Variants in TSPYL6 observed in about 807,000 individuals in gnomAD.
TSPYL6 encodes the protein testis-specific Y-encoded-like protein 6.
For missense variants in TSPYL6, 699 were observed against 531.5 expected (o/e 1.32, Z -3.10); for synonymous variants, 259 against 214.8 (o/e 1.21, Z -1.80).
Position 54,256,057 on chromosome 2 carries a change from G to C in TSPYL6, c.95C>G (p.Ala32Gly). ...AAACATATCTGCCATTACCTCTGTC[G>C]CCTTGCTCTTTTCTCGGGACCTCTG... ...QGQRSREKSK[A>G]TEVMADMFDG... The change falls in exon 1 of 1, where the codon GCG (alanine) becomes GGG (glycine). Residue 32 changes from alanine to glycine, a missense_variant. Coordinates refer to ENST00000317802, the MANE Select transcript of TSPYL6 (RefSeq NM_001003937.3). The C allele has an allele frequency of 6.2e-7, 1 of 1,614,146 alleles. No individual in the cohort carries two copies. Among genetic ancestry groups the C allele is most frequent in the East Asian group, 2.2e-5 (1 of 44,876 alleles).
In TSPYL6 at chr2:54,255,616, G is replaced by T. The variant is rs536750975; in HGVS notation, c.536C>A (p.Ala179Glu). Residue 179 changes from alanine (A) to glutamate (E), a missense_variant, in exon 1 of 1, where the codon GCA becomes GAA. By Grantham distance (107) the Ala-to-Glu change is moderately radical (BLOSUM62 -1). Coordinates refer to ENST00000317802, the MANE Select transcript of TSPYL6 (RefSeq NM_001003937.3). ...EEMDVAEENR[A>E]IDEVNREAGP... ...TGCCTCCCTGTTTACCTCATCTATT[G>T]CTCTGTTTTCTTCCGCCACGTCCAT... The T allele has an allele frequency of 6.2e-7, 1 of 1,613,446 alleles. No individual in the cohort carries two copies. Among genetic ancestry groups the T allele is most frequent in the Non-Finnish European group, 8.5e-7 (1 of 1,179,938 alleles).
chr2:54,253,605 C>T lies in TSPYL6; in HGVS notation c.*1314G>A, dbSNP rs1477477135. ...ATACTAAAAAAAAGTACTTCTCTTC[C>T]CATCATAACTAGTCAACCCAGTGTA... On this transcript the variant is annotated 3_prime_UTR_variant, in exon 1 of 1. Transcript: ENST00000317802. 6.6e-6 allele frequency: 1 copy of T among 152,210 alleles called. No individual in the cohort carries two copies. Among genetic ancestry groups the T allele is most frequent in the African/African-American group, 2.4e-5 (1 of 41,446 alleles). The allele number at this position is 152,210 out of a possible 1,614,324, so 9.4% of individuals were successfully genotyped here. A position where few individuals can be genotyped will look rare whatever the true frequency, so the allele number is the denominator to read the frequency against.
chr2:54,253,726 C>A lies in TSPYL6; in HGVS notation c.*1193G>T. 6.6e-6 allele frequency: 1 copy of A among 152,312 alleles called. No homozygotes were observed. 9.4% of individuals were successfully genotyped at this position (152,312 alleles called of 1,614,324 possible). A position where few individuals can be genotyped will look rare whatever the true frequency, so the allele number is the denominator to read the frequency against. On this transcript the variant is annotated 3_prime_UTR_variant, in exon 1 of 1. Transcript: ENST00000317802. ...TCACAATCTCTTTAGTTCTTCTATC[C>A]ACTCTGAACTAGAAATCACCTTTCA...
In TSPYL6 at chr2:54,255,815, T is replaced by C. The variant is rs201242741; in HGVS notation, c.337A>G (p.Asn113Asp). 1 of 1,613,898 alleles carries C rather than the reference T, an allele frequency of 6.2e-7. No individual in the cohort carries two copies. The highest frequency in any genetic ancestry group is 8.5e-7 in the Non-Finnish European group (1 of 1,179,998). ...ASLTTDGSLK[N>D]GFPGEETHGL... ...TGCGTCTCTTCACCCGGAAAGCCAT[T>C]TTTGAGGCTGCCGTCAGTTGTCAGC... is the stretch of plus-strand genomic sequence containing the variant. Residue 113 changes from asparagine (N) to aspartate (D), a missense_variant, in exon 1 of 1, where the codon AAT (asparagine) becomes GAT (aspartate). By Grantham distance (23) the Asn-to-Asp change is conservative (BLOSUM62 1). Transcript: ENST00000317802.
chr2:54,255,601 T>C lies in TSPYL6; in HGVS notation c.551A>G (p.Asn184Ser), dbSNP rs1687469095. Residue 184 changes from asparagine (N) to serine (S), a missense_variant, in exon 1 of 1, where the codon AAC becomes AGC. Coordinates refer to ENST00000317802, the MANE Select transcript of TSPYL6 (RefSeq NM_001003937.3). The part of the protein sequence containing the change: ...AEENRAIDEV[N>S]REAGPGPGPG... Reference sequence around the variant, plus strand: ...CCCGGGCCCAGGCCCTGCCTCCCTGTTTACCTCATCTATTGCTCTGTTTTC... The same window carrying C: ...CCCGGGCCCAGGCCCTGCCTCCCTGCTTACCTCATCTATTGCTCTGTTTTC... 6.2e-7 allele frequency: 1 copy of C among 1,613,108 alleles called. No individual in the cohort carries two copies. The highest frequency in any genetic ancestry group is 2.2e-5 in the East Asian group (1 of 44,812).
rs765602478 is a variant in TSPYL6 at position 54,256,122 on chromosome 2, G to A, written c.30C>T (p.Pro10=). The change falls in exon 1 of 1, where the codon CCC becomes CCT. Residue 10 remains proline, a synonymous_variant. Transcript: ENST00000317802. MSLPESPHS[P]ATLDYALEDP... is the part of the protein sequence containing the mutation. ...CTTCCAGAGCATAGTCGAGAGTAGCGGGGCTGTGAGGACTCTCCGGGAGGC... is the reference window on the plus strand; with the variant it reads ...CTTCCAGAGCATAGTCGAGAGTAGCAGGGCTGTGAGGACTCTCCGGGAGGC... 18 of 1,613,770 alleles carry A rather than the reference G, an allele frequency of 1.1e-5. No homozygotes were observed. Among genetic ancestry groups the A allele is most frequent in the East Asian group, 2.2e-5 (1 of 44,880 alleles).
In TSPYL6 at chr2:54,254,499, T is replaced by C. The variant is rs10165485; in HGVS notation, c.*420A>G. ...CCTTGACTTCATTAATGCCCAGCAA[T>C]TGTCCACAGGCCATGCACCTGTACT... On this transcript the variant is annotated 3_prime_UTR_variant, in exon 1 of 1. Transcript: ENST00000317802. 0.14 allele frequency: 22,940 copies of C among 161,826 alleles called. 1,641 individuals carry two copies. The highest frequency in any genetic ancestry group is 0.18 in the African/African-American group (7,337 of 41,726). 10.0% of individuals were successfully genotyped at this position (161,826 alleles called of 1,614,324 possible). A position where few individuals can be genotyped will look rare whatever the true frequency, so the allele number is the denominator to read the frequency against.
the TSPYL6 span, chr2:54,256,088 G>A: frequency 3.1e-6 from 5 of 1,614,086 alleles, no homozygotes; most frequent in Non-Finnish European, 4.2e-6. Flanking sequence ...CTCTGGCCCT[G>A]GTGCGGGTCT....
In TSPYL6 at chr2:54,254,814, G is replaced by A; in HGVS notation, c.*105C>T. On this transcript the variant is annotated 3_prime_UTR_variant, in exon 1 of 1. Coordinates refer to ENST00000317802, the MANE Select transcript of TSPYL6 (RefSeq NM_001003937.3). ...AAGTTTAAACAGAGGGTACAGGAAA[G>A]TCAGAACAAAAAAAGTAAAGGGCAT... 8.6e-7 allele frequency: 1 copy of A among 1,168,700 alleles called. No individual in the cohort carries two copies. Among genetic ancestry groups the A allele is most frequent in the Non-Finnish European group, 1.2e-6 (1 of 832,706 alleles). 72.4% of individuals were successfully genotyped at this position (1,168,700 alleles called of 1,614,324 possible).
Position 54,255,013 on chromosome 2 carries a change from T to A in TSPYL6, c.1139A>T (p.Tyr380Phe). 1.2e-6 allele frequency: 2 copies of A among 1,614,110 alleles called. No homozygotes were observed. The highest frequency in any genetic ancestry group is 2.7e-5 in the African/African-American group (2 of 75,014). Residue 380 changes from tyrosine to phenylalanine, a missense_variant, in exon 1 of 1, where the codon TAC becomes TTC. Physicochemically the swap from Tyr to Phe is conservative, Grantham distance 22. Transcript: ENST00000317802. ...ATGGGCGTCTTCACCCAACAGGTAG[T>A]ACTGCAGTGGATTTGACCAGAGGTC... ...KEDLWSNPLQ[Y>F]YLLGEDAHRA...
Position 54,256,193 on chromosome 2 carries a change from GAGGTAGGT to G in TSPYL6, c.-50_-43del, listed in dbSNP as rs1483210466. On this transcript the variant is annotated 5_prime_UTR_variant, in exon 1 of 1. Coordinates refer to ENST00000317802, the MANE Select transcript of TSPYL6 (RefSeq NM_001003937.3). ...GCAGCAGTGGGTAGAGGCCAGGCCA[GAGGTAGGT>G]AGCGTCAACGTTCCTCACACAAAAT... 6.4e-7 allele frequency: 1 copy of G among 1,553,910 alleles called. No individual in the cohort carries two copies. The highest frequency in any genetic ancestry group is 8.7e-7 in the Non-Finnish European group (1 of 1,150,516).
the TSPYL6 span, chr2:54,255,743 AC>A: frequency 1.2e-6 from 2 of 1,611,500 alleles, no homozygotes; most frequent in Non-Finnish European, 8.5e-7. Context: ...TCAGACTCCG[AC>A]CTCCCTGCCC....
At position 54,255,518 on chromosome 2, in the gene TSPYL6, G is replaced by C. The variant is rs1404601186; in HGVS notation, c.634C>G (p.Leu212Val). ...LNPLESIQLE[L>V]DSVNAEADRA... ...TCAGCCTCTGCATTCACGGAGTCCA[G>C]TTCCAGCTGGATGGACTCCAGGGGG... Residue 212 changes from leucine to valine, a missense_variant, in exon 1 of 1, where the codon CTG becomes GTG. Coordinates refer to ENST00000317802, the MANE Select transcript of TSPYL6 (RefSeq NM_001003937.3). 3.7e-6 allele frequency: 6 copies of C among 1,613,800 alleles called. No individual in the cohort carries two copies. Among genetic ancestry groups the C allele is most frequent in the African/African-American group, 1.3e-5 (1 of 74,890 alleles).
Position 54,255,712 on chromosome 2 carries a change from G to T in TSPYL6, c.440C>A (p.Ala147Asp), listed in dbSNP as rs1042882931. Reference sequence around the variant, plus strand: ...ACACTCCTCAGGCTTCACGTCCTCGGCCTTCCCCTCTGCAATCACTTCAGA... The same window carrying T: ...ACACTCCTCAGGCTTCACGTCCTCGTCCTTCCCCTCTGCAATCACTTCAGA... ...SESEVIAEGK[A>D]EDVKPEECAM... The change falls in exon 1 of 1, where the codon GCC becomes GAC. Residue 147 changes from alanine to aspartate, a missense_variant. By Grantham distance (126) the Ala-to-Asp change is moderately radical. Transcript: ENST00000317802. 5 of 1,613,706 alleles carry T rather than the reference G, an allele frequency of 3.1e-6. No individual in the cohort carries two copies. Among genetic ancestry groups the T allele is most frequent in the Non-Finnish European group, 4.2e-6 (5 of 1,180,014 alleles).
Position 54,254,849 on chromosome 2 carries a change from T to C in TSPYL6, c.*70A>G. The stretch of plus-strand genomic sequence containing the variant: ...AAAAAGTAAAGGGCATACCTAATGC[T>C]GTTGCCCAAGCTCAGGTCCAGCTGG... On this transcript the variant is annotated 3_prime_UTR_variant, in exon 1 of 1. Transcript: ENST00000317802. 6.8e-7 allele frequency: 1 copy of C among 1,474,350 alleles called. No individual in the cohort carries two copies. 91.3% of individuals were successfully genotyped at this position (1,474,350 alleles called of 1,614,324 possible).
In TSPYL6 at chr2:54,255,395, C is replaced by A. The variant is rs562154632; in HGVS notation, c.757G>T (p.Val253Phe). Residue 253 changes from valine (V) to phenylalanine (F), a missense_variant, in exon 1 of 1, where the codon GTC (valine) becomes TTC (phenylalanine). Physicochemically the swap from Val to Phe is conservative, Grantham distance 50. Transcript: ENST00000317802. Reference protein sequence around the residue: ...DIIRNIPGFWVTAFRHHPQLS... With the variant: ...DIIRNIPGFWFTAFRHHPQLS... ...TGTGGGTGGTGGCGGAAAGCAGTGA[C>A]CCAGAAGCCCGGGATATTGCGAATG... The A allele has an allele frequency of 1.2e-6, 2 of 1,613,958 alleles. No homozygotes were observed. Among genetic ancestry groups the A allele is most frequent in the Middle Eastern group, 1.6e-4 (1 of 6,084 alleles).
chr2:54,255,826 C>T lies in TSPYL6; in HGVS notation c.326G>A (p.Gly109Asp), dbSNP rs1687487644. 6.2e-7 allele frequency: 1 copy of T among 1,613,968 alleles called. No individual in the cohort carries two copies. The highest frequency in any genetic ancestry group is 8.5e-7 in the Non-Finnish European group (1 of 1,180,010). The change falls in exon 1 of 1, where the codon GGC becomes GAC. Residue 109 changes from glycine (G) to aspartate (D), a missense_variant. Gly to Asp is a moderately conservative substitution (Grantham distance 94). Coordinates refer to ENST00000317802, the MANE Select transcript of TSPYL6 (RefSeq NM_001003937.3). ...ACCCGGAAAGCCATTTTTGAGGCTG[C>T]CGTCAGTTGTCAGCGAGGCAGAGGC... ...EAASASLTTD[G>D]SLKNGFPGEE...
At position 54,255,991 on chromosome 2, in the gene TSPYL6, A is replaced by G; in HGVS notation, c.161T>C (p.Leu54Pro). ...LEPIVFPPPRLPEEGVAPQDP... is the reference protein window; with the variant it reads ...LEPIVFPPPRPPEEGVAPQDP... ...CTGGGGCGCGACCCCCTCCTCTGGAAGCCGGGGCGGTGGGAACACGATTGG... is the reference window on the plus strand; with the variant it reads ...CTGGGGCGCGACCCCCTCCTCTGGAGGCCGGGGCGGTGGGAACACGATTGG... Residue 54 changes from leucine (L) to proline (P), a missense_variant, in exon 1 of 1, where the codon CTT (leucine) becomes CCT (proline). Leu to Pro is a moderately conservative substitution (Grantham distance 98). Coordinates refer to ENST00000317802, the MANE Select transcript of TSPYL6 (RefSeq NM_001003937.3). The G allele has an allele frequency of 6.2e-7, 1 of 1,614,150 alleles. No individual in the cohort carries two copies. The highest frequency in any genetic ancestry group is 1.1e-5 in the South Asian group (1 of 91,076).
rs1228674358 is a variant in TSPYL6 at position 54,256,043 on chromosome 2, C to A, written c.109G>T (p.Ala37Ser). Residue 37 changes from alanine (A) to serine (S), a missense_variant, in exon 1 of 1, where the codon GCA (alanine) becomes TCA (serine). Coordinates refer to ENST00000317802, the MANE Select transcript of TSPYL6 (RefSeq NM_001003937.3). ...REKSKATEVM[A>S]DMFDGRLEPI... ...TCCAAGCGGCCATCAAACATATCTG[C>A]CATTACCTCTGTCGCCTTGCTCTTT... The A allele has an allele frequency of 6.2e-7, 1 of 1,614,188 alleles. No homozygotes were observed. The highest frequency in any genetic ancestry group is 8.5e-7 in the Non-Finnish European group (1 of 1,180,036).
Sources: allele counts gnomAD v4.1 joint callset, GRCh38; gene constraint gnomAD v4.1.1; transcripts MANE v1.5; gene names NCBI Gene and HGNC (gene_info 2026-07-23, HGNC 2026-07-21).